Variants in ADAMTS4 observed in about 807,000 individuals in gnomAD.
ADAMTS4 encodes the protein A disintegrin and metalloproteinase with thrombospondin motifs 4.
Under a neutral mutation model 66.7 loss-of-function variants are expected in ADAMTS4, and 38 were observed. The ratio of observed to expected loss-of-function variants is 0.57; its 90% CI spans 0.44 to 0.75. The LOEUF is 0.75. ADAMTS4 is among the 30% of genes least tolerant of loss of function. The pLI is 0.00. For missense variants in ADAMTS4, 1,014 were observed against 1,116.7 expected, an observed-to-expected ratio of 0.91 and a Z score of 1.31; for synonymous variants, 418 against 461.5, an observed-to-expected ratio of 0.91 and a Z score of 1.21.
chr1:161,191,442 G>A lies in ADAMTS4; in HGVS notation c.2210C>T (p.Ala737Val), dbSNP rs1183451040. The A allele has an allele frequency of 3.7e-6, 6 of 1,614,082 alleles. No homozygotes were observed. Among genetic ancestry groups the A allele is most frequent in the Non-Finnish European group, 5.1e-6 (6 of 1,180,040 alleles). ...LALKLPDGSYALNGEYTLMPS... is the reference protein window; with the variant it reads ...LALKLPDGSYVLNGEYTLMPS... ...CATCAGCGTGTATTCACCATTGAGG[G>A]CATAGGAGCCATCTGGCAGCTTCAG... Residue 737 changes from alanine (A) to valine (V), a missense_variant, in exon 9 of 9, where the codon GCC (alanine) becomes GTC (valine). Physicochemically the swap from Ala to Val is moderately conservative, Grantham distance 64. Transcript: ENST00000367996.
chr1:161,196,613 T>C lies in ADAMTS4; in HGVS notation c.901A>G (p.Thr301Ala), dbSNP rs768241957. 3 of 1,614,032 alleles carry C rather than the reference T, an allele frequency of 1.9e-6. No homozygotes were observed. The highest frequency in any genetic ancestry group is 1.1e-5 in the South Asian group (1 of 91,080). ...SFCAWQRGLNTPEDSDPDHFD... is the reference protein window; with the variant it reads ...SFCAWQRGLNAPEDSDPDHFD... The stretch of plus-strand genomic sequence containing the variant: ...TGGTCAGGGTCCGAGTCCTCAGGGG[T>C]GTTGAGGCCCCGCTGCCAGGCACAG... The change falls in exon 2 of 9, where the codon ACC becomes GCC. Residue 301 changes from threonine to alanine, a missense_variant. Thr to Ala is a moderately conservative substitution (Grantham distance 58, BLOSUM62 0). Coordinates refer to ENST00000367996, the MANE Select transcript of ADAMTS4 (RefSeq NM_005099.6).
intron 8 of ADAMTS4, 135 bp from the exon 9 acceptor site, chr1:161,191,699 G>C (rs1278902257): frequency 1.3e-5 from 12 of 915,450 alleles, no homozygotes; most frequent in Non-Finnish European, 1.8e-5. Flanking sequence ...TGTTCGGTCT[G>C]GATCAGAGCT....
Position 161,188,339 on chromosome 1 carries a change from A to T in ADAMTS4, c.*2799T>A, listed in dbSNP as rs1664585539. ...CCATAGCCTCGAAATCGTGGGCTCA[A>T]GCAGTCCTCCTATTTTAGCCTCCCA... On this transcript the variant is annotated 3_prime_UTR_variant, in exon 9 of 9. Coordinates refer to ENST00000367996, the MANE Select transcript of ADAMTS4 (RefSeq NM_005099.6). 1.3e-5 allele frequency: 2 copies of T among 148,754 alleles called. No individual in the cohort carries two copies. The highest frequency in any genetic ancestry group is 3.0e-5 in the Non-Finnish European group (2 of 67,530). 9.2% of individuals were successfully genotyped at this position (148,754 alleles called of 1,614,324 possible).
In ADAMTS4 at chr1:161,191,260, A is replaced by G. The variant is rs1403805603; in HGVS notation, c.2392T>C (p.Tyr798His). 1.9e-6 allele frequency: 3 copies of G among 1,613,836 alleles called. No homozygotes were observed. In the East Asian group the frequency reaches 6.7e-5, roughly 36 times the overall value. Residue 798 changes from tyrosine (Y) to histidine (H), a missense_variant, in exon 9 of 9, where the codon TAC becomes CAC. Physicochemically the swap from Tyr to His is moderately conservative, Grantham distance 83 (BLOSUM62 2). Transcript: ENST00000367996. ...AGNPQDTRLR[Y>H]SFFVPRPTPS... ...GTCGGCCGGGGCACGAAGAAGCTGT[A>G]TCGGAGGCGTGTGTCCTGGGGGTTG...
At position 161,186,397 on chromosome 1, in the gene ADAMTS4, G is replaced by A. The variant is rs1367076079; in HGVS notation, c.*4741C>T. The A allele has an allele frequency of 6.6e-6, 1 of 152,224 alleles. No individual in the cohort carries two copies. Among genetic ancestry groups the A allele is most frequent in the Admixed American group, 6.5e-5 (1 of 15,280 alleles). The allele number at this position is 152,224 out of a possible 1,614,324, so 9.4% of individuals were successfully genotyped here. On this transcript the variant is annotated 3_prime_UTR_variant, in exon 9 of 9. Coordinates refer to ENST00000367996, the MANE Select transcript of ADAMTS4 (RefSeq NM_005099.6). ...GCTGAGATGCCCATCACTTCTCTTC[G>A]ATGAGCTAGCTCTCTCTGCCCCTCT...
chr1:161,184,455 T>C lies in ADAMTS4; in HGVS notation c.*6683A>G, dbSNP rs909325067. The C allele has an allele frequency of 6.6e-6, 1 of 152,290 alleles. No individual in the cohort carries two copies. 9.4% of individuals were successfully genotyped at this position (152,290 alleles called of 1,614,324 possible). A position where few individuals can be genotyped will look rare whatever the true frequency, so the allele number is the denominator to read the frequency against. On this transcript the variant is annotated 3_prime_UTR_variant, in exon 9 of 9. Coordinates refer to ENST00000367996, the MANE Select transcript of ADAMTS4 (RefSeq NM_005099.6). ...GTAAGGAAACTGAGGTTTACAGAGATCAAGTAATTAAGGTTGCATCATTAC... is the reference window on the plus strand; with the variant it reads ...GTAAGGAAACTGAGGTTTACAGAGACCAAGTAATTAAGGTTGCATCATTAC...
chr1:161,195,958 C>CAT (rs1336548159), intron 3 of ADAMTS4: 24 of 586,384 alleles, frequency 4.1e-5, no homozygotes, highest in Middle Eastern at 4.5e-4. Flanking sequence ...CACACACACA[C>CAT]ACACAGAGGA....
chr1:161,197,407 G>T (rs143478835), intron 1 of ADAMTS4: 40 of 160,140 alleles, frequency 2.5e-4, no homozygotes, highest in East Asian at 1.1e-3. Flanking sequence ...GGGAGACCAG[G>T]AGTGGGAGGG....
Position 161,185,797 on chromosome 1 carries a change from C to G in ADAMTS4, c.*5341G>C, listed in dbSNP as rs186437980. Reference sequence around the variant, plus strand: ...CGATTCCACAGCACACTCCAGGAACCCTGGCTGTCCCACCTCCATTACAAA... The same window carrying G: ...CGATTCCACAGCACACTCCAGGAACGCTGGCTGTCCCACCTCCATTACAAA... On this transcript the variant is annotated 3_prime_UTR_variant, in exon 9 of 9. Transcript: ENST00000367996. 6.6e-6 allele frequency: 1 copy of G among 152,136 alleles called. No homozygotes were observed. 9.4% of individuals were successfully genotyped at this position (152,136 alleles called of 1,614,324 possible). A position where few individuals can be genotyped will look rare whatever the true frequency, so the allele number is the denominator to read the frequency against.
rs186437980 is a variant in ADAMTS4, at chr1:161,185,797, C to A, written c.*5341G>T. The stretch of plus-strand genomic sequence containing the variant: ...CGATTCCACAGCACACTCCAGGAAC[C>A]CTGGCTGTCCCACCTCCATTACAAA... On this transcript the variant is annotated 3_prime_UTR_variant, in exon 9 of 9. Transcript: ENST00000367996. The A allele has an allele frequency of 3.9e-5, 6 of 152,254 alleles. No individual in the cohort carries two copies. The highest frequency in any genetic ancestry group is 3.9e-4 in the Admixed American group (6 of 15,272). 9.4% of individuals were successfully genotyped at this position (152,254 alleles called of 1,614,324 possible).
At chr1:161,197,091 A>G in intron 1 of ADAMTS4, 1 of 546,672 alleles carries the variant, frequency 1.8e-6, no homozygotes, top group Non-Finnish European at 3.2e-6. Context: ...CTGAGGAGTC[A>G]GCAGCTGGTT....
intron 3 of ADAMTS4, 93 bp from the exon 4 acceptor site, chr1:161,195,728 A>T: frequency 2.3e-6 from 3 of 1,302,184 alleles, no homozygotes; most frequent in Non-Finnish European, 3.2e-6. Context: ...GTGGATGATC[A>T]GATCCATTAC....
Position 161,186,215 on chromosome 1 carries a change from G to T in ADAMTS4, c.*4923C>A, listed in dbSNP as rs931763540. The T allele has an allele frequency of 1.3e-5, 2 of 152,302 alleles. No individual in the cohort carries two copies. Among genetic ancestry groups the T allele is most frequent in the East Asian group, 3.9e-4 (2 of 5,172 alleles). 9.4% of individuals were successfully genotyped at this position (152,302 alleles called of 1,614,324 possible). The stretch of plus-strand genomic sequence containing the variant: ...GCAGATGGGAAACAGAGCTCACTGT[G>T]GCTCTTACAGGGAGATATGTGCCCC... On this transcript the variant is annotated 3_prime_UTR_variant, in exon 9 of 9. Coordinates refer to ENST00000367996, the MANE Select transcript of ADAMTS4 (RefSeq NM_005099.6).
intron 8 of ADAMTS4, 145 bp from the exon 9 acceptor site, chr1:161,191,709 T>A: frequency 1.2e-6 from 1 of 843,078 alleles, no homozygotes; most frequent in Non-Finnish European, 1.8e-6. Context: ...GGATCAGAGC[T>A]ACATGCACAT....
At position 161,194,839 on chromosome 1, in the gene ADAMTS4, C is replaced by T. The variant is rs1428371662; in HGVS notation, c.1262-618G>A. Among the ~76,000 whole-genome samples, 1 of 152,154 alleles carries T rather than the reference C, an allele frequency of 6.6e-6. No individual in the cohort carries two copies. The highest frequency in any genetic ancestry group is 1.5e-5 in the Non-Finnish European group (1 of 68,016). On this transcript the variant is annotated intron_variant, in intron 4 of 8. Transcript: ENST00000367996. This position sits in a 1 kb window ranked among gnomAD's most constrained non-coding sequence, Gnocchi z 4.1. ...ACTTATCTGACATATCAACTACAAA[C>T]ACAGAGAGGTGAAGTAACTTACAGT...
At position 161,187,479 on chromosome 1, in the gene ADAMTS4, T is replaced by C; in HGVS notation, c.*3659A>G. The C allele has an allele frequency of 6.6e-6, 1 of 152,416 alleles. No homozygotes were observed. The highest frequency in any genetic ancestry group is 1.5e-5 in the Non-Finnish European group (1 of 68,146). The allele number at this position is 152,416 out of a possible 1,614,324, so 9.4% of individuals were successfully genotyped here. On this transcript the variant is annotated 3_prime_UTR_variant, in exon 9 of 9. Coordinates refer to ENST00000367996, the MANE Select transcript of ADAMTS4 (RefSeq NM_005099.6). Reference sequence around the variant, plus strand: ...CCAAGCCTAGCAGGGAGAACCGTGTTTACTGGAGAGAAGAGAGTGTGGGCA... The same window carrying C: ...CCAAGCCTAGCAGGGAGAACCGTGTCTACTGGAGAGAAGAGAGTGTGGGCA...
At chr1:161,195,922 TACACACACACAGAC>T (rs1454062453) in intron 3 of ADAMTS4, 2 of 520,374 alleles carry the variant, frequency 3.8e-6, no homozygotes, top group Non-Finnish European at 6.4e-6. Context: ...CCCCTCCAAA[TACACACACACAGAC>T]ACACACACAC....
Position 161,190,114 on chromosome 1 carries a change from AG to A in ADAMTS4, c.*1023del, listed in dbSNP as rs1664627659. On this transcript the variant is annotated 3_prime_UTR_variant, in exon 9 of 9. Coordinates refer to ENST00000367996, the MANE Select transcript of ADAMTS4 (RefSeq NM_005099.6). The stretch of plus-strand genomic sequence containing the variant: ...ACGCCTGTAATCCCAGCACTTTGGG[AG>A]ATGAAGGCGAGTGGATCACCTAAGG... 1 of 152,194 alleles carries A rather than the reference AG, an allele frequency of 6.6e-6. No homozygotes were observed. The highest frequency in any genetic ancestry group is 1.5e-5 in the Non-Finnish European group (1 of 68,066). The allele number at this position is 152,194 out of a possible 1,614,324, so 9.4% of individuals were successfully genotyped here. A position where few individuals can be genotyped will look rare whatever the true frequency, so the allele number is the denominator to read the frequency against.
Position 161,196,899 on chromosome 1 carries a change from A to T in ADAMTS4, c.634-19T>A. On this transcript the variant is annotated intron_variant, in intron 1 of 8. Transcript: ENST00000367996. ...CAAAGCGCTGTAGAGAAAAAGGGAG[A>T]GGAAGATCCTGAAATAGCCTCTCAG... is the stretch of plus-strand genomic sequence containing the variant. 6.4e-7 allele frequency: 1 copy of T among 1,567,360 alleles called. No individual in the cohort carries two copies. Among genetic ancestry groups the T allele is most frequent in the South Asian group, 1.1e-5 (1 of 87,074 alleles).
Sources: gnomAD v4.1 joint callset for allele counts (sites outside exome capture counted in the v4.1 genomes callset) on GRCh38, gnomAD v4.1.1 for gene constraint, Gnocchi (gnomAD v3.1) non-coding constraint, MANE v1.5 for transcripts, NCBI Gene and HGNC (gene_info 2026-07-23, HGNC 2026-07-21) for gene names.